CCDC83: variants seen among roughly 807,000 people sequenced by gnomAD.
The protein encoded by CCDC83 is coiled-coil domain-containing protein 83.
In CCDC83, 54 loss-of-function variants were observed where a neutral mutation model predicts 50.1. The ratio of observed to expected loss-of-function variants is 1.08; its 90% CI spans 0.87 to 1.35. The LOEUF (loss-of-function observed/expected upper bound fraction) is 1.35, where lower values mean the gene tolerates loss of function less well. Among genes scored for constraint, CCDC83 ranks in the 40% most tolerant of loss-of-function variants. The pLI is 0.00. For missense variants in CCDC83, 518 were observed against 473.9 expected (o/e 1.09, Z -0.86); for synonymous variants, 161 against 153.3 (o/e 1.05, Z -0.37).
intron 2 of CCDC83, among the ~76,000 whole-genome samples, chr11:85,869,485 T>C (rs998783898): frequency 6.6e-6 from 1 of 152,182 alleles, no homozygotes; most frequent in African/African-American, 2.4e-5. Context: ...GGAATTCAAA[T>C]TTATTTGTTT....
chr11:85,916,094 G>A lies in CCDC83; in HGVS notation c.941G>A (p.Ser314Asn), dbSNP rs771327040. 4.8e-5 allele frequency: 77 copies of A among 1,613,220 alleles called. No homozygotes were observed. The highest frequency in any genetic ancestry group is 6.5e-5 in the Non-Finnish European group (77 of 1,179,408). The stretch of plus-strand genomic sequence containing the variant: ...GACTTGATGTCCTCATCAGATGAGA[G>A]CACTATCTTACATCTTAGTCATGAA... ...SRDLMSSSDE[S>N]TILHLSHENS... The change falls in exon 10 of 11, where the codon AGC (serine) becomes AAC (asparagine). Residue 314 changes from serine (S) to asparagine (N), a missense_variant. Coordinates refer to ENST00000342404, the MANE Select transcript of CCDC83 (RefSeq NM_001286159.2).
intron 8 of CCDC83, 23 bp from the exon 9 acceptor site, chr11:85,915,396 G>A (rs1354877858): frequency 3.2e-6 from 5 of 1,556,816 alleles, no homozygotes; most frequent in Non-Finnish European, 4.4e-6. Context: ...CTGACAGATT[G>A]TTTTTCTCAT....
intron 1 of CCDC83, among the ~76,000 whole-genome samples, chr11:85,857,327 C>A (rs191558284): frequency 1.3e-5 from 2 of 152,362 alleles, no homozygotes; most frequent in East Asian, 1.9e-4. Context: ...CCAGCTGCAA[C>A]ATCACCCAGG....
At chr11:85,869,224 T>C (rs1431803026) in intron 2 of CCDC83, among the ~76,000 whole-genome samples, 1 of 152,224 alleles carries the variant, frequency 6.6e-6, no homozygotes, top group Non-Finnish European at 1.5e-5. Context: ...ATCAGGTAAT[T>C]TCATGGATAT....
chr11:85,863,210 T>G (rs1372830366), intron 1 of CCDC83, among the ~76,000 whole-genome samples: 2 of 152,256 alleles, frequency 1.3e-5, no homozygotes, highest in Non-Finnish European at 2.9e-5. Context: ...TGGTAAGTTA[T>G]TGTTTTAAAA....
intron 1 of CCDC83, among the ~76,000 whole-genome samples, chr11:85,857,532 G>A (rs1490647540): frequency 6.6e-5 from 10 of 152,208 alleles, no homozygotes; most frequent in Non-Finnish European, 8.8e-5. Context: ...TGTCGGGGAT[G>A]TGAGGCATCT....
chr11:85,876,834 G>A (rs2093272273), intron 3 of CCDC83, among the ~76,000 whole-genome samples: 1 of 152,132 alleles, frequency 6.6e-6, no homozygotes, highest in African/African-American at 2.4e-5. Context: ...GTCTTAAAAA[G>A]TTAAAAGGGT....
chr11:85,914,872 G>A (rs2093470422), intron 8 of CCDC83, among the ~76,000 whole-genome samples: 1 of 152,172 alleles, frequency 6.6e-6, no homozygotes, highest in South Asian at 2.1e-4. Context: ...TAGATTCATG[G>A]CAGAAGGGGA....
chr11:85,864,392 A>T (rs964359235), intron 1 of CCDC83, among the ~76,000 whole-genome samples: 1 of 152,230 alleles, frequency 6.6e-6, no homozygotes, highest in Non-Finnish European at 1.5e-5. Flanking sequence ...TAGTACCCAA[A>T]CCAAACCTAT....
At position 85,897,052 on chromosome 11, in the gene CCDC83, G is replaced by A. The variant is rs558234630; in HGVS notation, c.603+1668G>A. On this transcript the variant is annotated intron_variant, in intron 6 of 10. Coordinates refer to ENST00000342404, the MANE Select transcript of CCDC83 (RefSeq NM_001286159.2). Reference sequence around the variant, plus strand: ...GCAATTTGTTTGCTCATGCAATTCAGCTACTTTGTAAGTGAATCTGACTCA... The same window carrying A: ...GCAATTTGTTTGCTCATGCAATTCAACTACTTTGTAAGTGAATCTGACTCA... Among the ~76,000 whole-genome samples the A allele has an allele frequency of 4.1e-4, 63 of 152,340 alleles. 1 individual carries two copies. Among genetic ancestry groups the A allele is most frequent in the Admixed American group, 3.5e-3 (53 of 15,292 alleles).
intron 1 of CCDC83, among the ~76,000 whole-genome samples, chr11:85,856,827 C>T (rs900217935): frequency 2.0e-5 from 3 of 152,146 alleles, no homozygotes; most frequent in East Asian, 1.9e-4. Flanking sequence ...ATATGAAAAG[C>T]GGTCTCAATT....
At chr11:85,892,155 A>G (rs913817456) in intron 5 of CCDC83, among the ~76,000 whole-genome samples, 9 of 152,212 alleles carry the variant, frequency 5.9e-5, no homozygotes, top group African/African-American at 1.9e-4. Flanking sequence ...CAGACACAGC[A>G]GGGAAGGTGG....
At chr11:85,917,213 A>AGAAAGAAAGAAAAAGAAAGAAAGAAG (rs2093485204) in intron 10 of CCDC83, among the ~76,000 whole-genome samples, 1 of 115,070 alleles carries the variant, frequency 8.7e-6, no homozygotes, top group Non-Finnish European at 1.8e-5. Flanking sequence ...AAAGAAGGAA[A>AGAAAGAAAGAAAAAGAAAGAAAGAAG]GAAAGAAAGA....
intron 3 of CCDC83, among the ~76,000 whole-genome samples, chr11:85,881,776 G>T (rs1039545532): frequency 6.6e-6 from 1 of 152,072 alleles, no homozygotes; most frequent in African/African-American, 2.4e-5. Context: ...TTCTCCTATA[G>T]GTAAGGTGTG....
intron 5 of CCDC83, among the ~76,000 whole-genome samples, chr11:85,888,740 T>C (rs1441323459): frequency 6.6e-6 from 1 of 152,188 alleles, no homozygotes; most frequent in Non-Finnish European, 1.5e-5. Context: ...TGTGAGAGAG[T>C]GATCCAACTT....
chr11:85,872,141 C>T (rs185223852), intron 2 of CCDC83, among the ~76,000 whole-genome samples: 1 of 152,110 alleles, frequency 6.6e-6, no homozygotes, highest in Admixed American at 6.5e-5. Context: ...CTAGTAGGGA[C>T]AGGGTTTTGC....
chr11:85,917,255 AAAGG>A (rs756931895), intron 10 of CCDC83, among the ~76,000 whole-genome samples: 2,243 of 137,376 alleles, frequency 0.016, 43 homozygotes, highest in African/African-American at 0.055. Context: ...GGGAAGGAGG[AAAGG>A]AAGGAAGGAA....
At position 85,916,157 on chromosome 11, in the gene CCDC83, A is replaced by T. The variant is rs182076424; in HGVS notation, c.1004A>T (p.Lys335Ile). The change falls in exon 10 of 11, where the codon AAA becomes ATA. Residue 335 changes from lysine to isoleucine, a missense_variant. Lys to Ile is a moderately radical substitution (Grantham distance 102, BLOSUM62 -3). Transcript: ENST00000342404. ...GATCTCCAGTATGTGAAGATAGATA[A>T]AGAGGAAAACTCAGGCACAGAGTTT... ...IEDLQYVKID[K>I]EENSGTEFGD... The T allele has an allele frequency of 1.1e-5, 18 of 1,613,530 alleles. No homozygotes were observed. The Admixed American group carries it at 2.0e-4, about 18-fold the overall frequency.
chr11:85,919,328 T>C, intron 10 of CCDC83, 21 bp from the exon 11 acceptor site: 1 of 1,570,244 alleles, frequency 6.4e-7, no homozygotes, highest in East Asian at 2.3e-5. Flanking sequence ...TCCTATTCTT[T>C]TTTGTGCCTG....
Sources: allele counts gnomAD v4.1 joint callset (sites outside exome capture counted in the v4.1 genomes callset), GRCh38; gene constraint gnomAD v4.1.1; transcripts MANE v1.5; gene names NCBI Gene and HGNC (gene_info 2026-07-23, HGNC 2026-07-21).